The following ADGRE1 variants were observed in gnomAD, a reference collection of about 807,000 sequenced individuals.
The protein encoded by ADGRE1 is EGF-like module receptor 1.
Under a neutral mutation model 102.7 loss-of-function variants are expected in ADGRE1, and 82 were observed. That is an observed-to-expected ratio of 0.80 (90% CI 0.67 to 0.96). The LOEUF (loss-of-function observed/expected upper bound fraction) is 0.96. ADGRE1 is among the 40% of genes least tolerant of loss of function. The pLI is 0.00. For missense variants in ADGRE1, 1,032 were observed against 1,085.3 expected (o/e 0.95, Z 0.69); for synonymous variants, 398 against 399.6 (o/e 1.00, Z 0.05).
At chr19:6,909,816 C>A (rs7408594) in intron 10 of ADGRE1, among the ~76,000 whole-genome samples, 16,468 of 152,064 alleles carry the variant, frequency 0.11, 991 homozygotes, top group Non-Finnish European at 0.13. Flanking sequence ...CTCACCGCAA[C>A]CTCCACCTCC....
chr19:6,916,428 A>G (rs925411080), intron 12 of ADGRE1, 60 bp downstream of exon 12: 1 of 1,553,036 alleles, frequency 6.4e-7, no homozygotes, highest in Admixed American at 1.9e-5. Context: ...GTATTTATCG[A>G]TCCCTTTCTA....
chr19:6,931,355 C>T (rs960964385), intron 17 of ADGRE1, among the ~76,000 whole-genome samples: 11 of 152,128 alleles, frequency 7.2e-5, no homozygotes, highest in African/African-American at 2.7e-4. Flanking sequence ...TAAGCTACTG[C>T]ATGCTGGGTG....
intron 18 of ADGRE1, among the ~76,000 whole-genome samples, chr19:6,936,773 C>T (rs1975423515): frequency 6.6e-6 from 1 of 151,988 alleles, no homozygotes; most frequent in Non-Finnish European, 1.5e-5. Flanking sequence ...CAGGCATCTG[C>T]CACCGTGCCC....
chr19:6,894,019 A>G (rs1171093825), intron 2 of ADGRE1, among the ~76,000 whole-genome samples: 5 of 152,156 alleles, frequency 3.3e-5, no homozygotes, highest in Non-Finnish European at 5.9e-5. Flanking sequence ...CACTCTGACA[A>G]TGCTTTTCTT....
rs1012259256 is a variant in ADGRE1, at chr19:6,926,591, A to G, written c.2212A>G (p.Met738Val). ...CAGTGTGCAGCCACAGGGCTATGGAATGCATAATCGGTGAGTGACATCCTC... is the reference window on the plus strand; with the variant it reads ...CAGTGTGCAGCCACAGGGCTATGGAGTGCATAATCGGTGAGTGACATCCTC... Reference protein sequence around the residue: ...SASVQPQGYGMHNRCWLNTET... With the variant: ...SASVQPQGYGVHNRCWLNTET... The change falls in exon 16 of 21, where the codon ATG (methionine) becomes GTG (valine). Residue 738 changes from methionine (M) to valine (V), a missense_variant. Physicochemically the swap from Met to Val is conservative, Grantham distance 21. Coordinates refer to ENST00000312053, the MANE Select transcript of ADGRE1 (RefSeq NM_001974.5). 23 of 1,614,188 alleles carry G rather than the reference A, an allele frequency of 1.4e-5. No homozygotes were observed. The highest frequency in any genetic ancestry group is 1.9e-5 in the Non-Finnish European group (23 of 1,180,020).
At chr19:6,891,527 C>T (rs2144879391) in intron 2 of ADGRE1, among the ~76,000 whole-genome samples, 1 of 150,656 alleles carries the variant, frequency 6.6e-6, no homozygotes, top group East Asian at 2.0e-4. Flanking sequence ...GATCTCGGTT[C>T]ACTGCAAGCT....
intron 2 of ADGRE1, 75 bp downstream of exon 2, chr19:6,890,618 G>A: frequency 6.7e-7 from 1 of 1,502,132 alleles, no homozygotes; most frequent in Non-Finnish European, 9.1e-7. Flanking sequence ...ATCCCAGGAA[G>A]CTGAGCCTCA....
At position 6,926,791 on chromosome 19, in the gene ADGRE1, G is replaced by T. The variant is rs1428842474; in HGVS notation, c.2222+190G>T. On this transcript the variant is annotated intron_variant, in intron 16 of 20. Transcript: ENST00000312053. ...TGGGTTGTGCACTGCACAAATCCAGGATCACTACTATTTGAGGTTTATGTT... is the reference window on the plus strand; with the variant it reads ...TGGGTTGTGCACTGCACAAATCCAGTATCACTACTATTTGAGGTTTATGTT... 2.0e-5 allele frequency among the ~76,000 whole-genome samples: 3 copies of T among 151,982 alleles called. No homozygotes were observed. The East Asian group carries it at 5.8e-4, about 29-fold the overall frequency.
intron 14 of ADGRE1, among the ~76,000 whole-genome samples, 155 bp downstream of exon 14, chr19:6,922,038 C>T (rs1434283702): frequency 6.6e-6 from 1 of 152,092 alleles, no homozygotes; most frequent in Non-Finnish European, 1.5e-5. Flanking sequence ...GCCTTTGCCC[C>T]TGCAGAATTT....
intron 10 of ADGRE1, 130 bp from the exon 11 acceptor site, chr19:6,913,523 G>A (rs1974274423): frequency 2.5e-6 from 2 of 804,134 alleles, no homozygotes; most frequent in South Asian, 3.0e-5. Context: ...AGAAAAAGGA[G>A]CCCGAGTGGA....
intron 5 of ADGRE1, among the ~76,000 whole-genome samples, chr19:6,899,385 A>G (rs1193203001): frequency 3.9e-5 from 6 of 152,122 alleles, no homozygotes; most frequent in Admixed American, 3.9e-4. Flanking sequence ...GAGGTGGAAA[A>G]ACCTTATTCT....
At chr19:6,919,437 T>A in intron 12 of ADGRE1, 111 bp from the exon 13 acceptor site, 3 of 616,402 alleles carry the variant, frequency 4.9e-6, no homozygotes, top group East Asian at 7.8e-5. Flanking sequence ...TCCCCCTCCC[T>A]CCCTCTGTGT....
intron 20 of ADGRE1, among the ~76,000 whole-genome samples, chr19:6,938,926 G>C (rs532776484): frequency 6.6e-4 from 100 of 151,762 alleles, no homozygotes; most frequent in African/African-American, 2.1e-3. Context: ...CTCCCAAGTA[G>C]CTGGGATTAC....
intron 14 of ADGRE1, among the ~76,000 whole-genome samples, chr19:6,922,621 C>A (rs1177780136): frequency 4.0e-5 from 4 of 100,526 alleles, no homozygotes; most frequent in African/African-American, 1.5e-4. Flanking sequence ...CTCACACACA[C>A]ACACACACAC....
intron 17 of ADGRE1, among the ~76,000 whole-genome samples, chr19:6,929,259 C>A (rs373263896): frequency 2.0e-5 from 3 of 152,272 alleles, no homozygotes; most frequent in African/African-American, 7.2e-5. Context: ...CTGTGTCTTG[C>A]AAGAGAGAGG....
At chr19:6,897,054 G>A in intron 3 of ADGRE1, 95 bp from the exon 4 acceptor site, 1 of 1,262,518 alleles carries the variant, frequency 7.9e-7, no homozygotes, top group Non-Finnish European at 1.1e-6. Context: ...CATATGGGAT[G>A]GGAGATATTG....
At chr19:6,929,642 C>A (rs2145012558) in intron 17 of ADGRE1, among the ~76,000 whole-genome samples, 1 of 152,204 alleles carries the variant, frequency 6.6e-6, no homozygotes, top group Non-Finnish European at 1.5e-5. Context: ...TCTGCCTCAG[C>A]CTCCCGAATA....
chr19:6,903,854 A>C lies in ADGRE1; in HGVS notation c.706A>C (p.Thr236Pro). The change falls in exon 7 of 21, where the codon ACC becomes CCC. Residue 236 changes from threonine (T) to proline (P), a missense_variant. Physicochemically the swap from Thr to Pro is conservative, Grantham distance 38. Transcript: ENST00000312053. ...TEMCPINSTCTNTPGSYFCTC... is the reference protein window; with the variant it reads ...TEMCPINSTCPNTPGSYFCTC... ...AATGTGCCCCATCAATTCAACATGC[A>C]CCAACACTCCTGGGAGCTACTTTTG... 6.2e-7 allele frequency: 1 copy of C among 1,614,180 alleles called. No homozygotes were observed. The highest frequency in any genetic ancestry group is 8.5e-7 in the Non-Finnish European group (1 of 1,180,038).
intron 10 of ADGRE1, among the ~76,000 whole-genome samples, chr19:6,911,193 T>G (rs1974161090): frequency 6.6e-6 from 1 of 152,108 alleles, no homozygotes; most frequent in East Asian, 1.9e-4. Flanking sequence ...CTGTTTCTCT[T>G]GGACAAATAT....
Sources: gnomAD v4.1 joint callset for allele counts (sites outside exome capture counted in the v4.1 genomes callset) on GRCh38, gnomAD v4.1.1 for gene constraint, MANE v1.5 for transcripts, NCBI Gene and HGNC (gene_info 2026-07-23, HGNC 2026-07-21) for gene names.